SPINK5: variants seen among roughly 807,000 people sequenced by gnomAD.
SPINK5 encodes serine peptidase inhibitor Kazal type 5.
Under a neutral mutation model 151.8 loss-of-function variants are expected in SPINK5, and 125 were observed. The observed-to-expected ratio is 0.82, with a 90% CI of 0.71 to 0.96. The LOEUF is 0.96. Ranked by LOEUF, SPINK5 falls within the 40% of genes least tolerant of loss-of-function variation. SPINK5 has a pLI of 0.00. For synonymous variants in SPINK5, 374 were observed against 395.3 expected (o/e 0.95, Z 0.64); for missense variants, 1,194 against 1,291.9 (o/e 0.92, Z 1.16).
At chr5:148,072,096 T>C in intron 3 of SPINK5, 52 bp from the exon 4 acceptor site, 1 of 1,561,218 alleles carries the variant, frequency 6.4e-7, no homozygotes, top group Non-Finnish European at 8.8e-7. Context: ...CTGTTATTGT[T>C]AAAAGTTGAG....
chr5:148,093,118 GA>G (rs1753584188), intron 8 of SPINK5, among the ~76,000 whole-genome samples: 1 of 151,904 alleles, frequency 6.6e-6, no homozygotes, highest in South Asian at 2.1e-4. Context: ...TCACACAGTT[GA>G]AAAGAAAGTT....
intron 7 of SPINK5, among the ~76,000 whole-genome samples, chr5:148,089,867 A>G (rs1753264326): frequency 6.6e-6 from 1 of 151,868 alleles, no homozygotes; most frequent in Non-Finnish European, 1.5e-5. Context: ...TTTCTTTTAA[A>G]TTACAGTAAT....
At position 148,099,220 on chromosome 5, in the gene SPINK5, TCC is replaced by T; in HGVS notation, c.1011-12_1011-11del. The T allele has an allele frequency of 6.2e-7, 1 of 1,602,282 alleles. No homozygotes were observed. Among genetic ancestry groups the T allele is most frequent in the Non-Finnish European group, 8.5e-7 (1 of 1,173,204 alleles). On this transcript the variant is annotated splice_polypyrimidine_tract_variant and intron_variant, in intron 11 of 32. Transcript: ENST00000256084. ...TGTTCCTAATGGATCTGCTTCTTTT[TCC>T]CTCTTATTCAGCCAAGCAGAAAATG...
chr5:148,092,764 C>G (rs1753344737), intron 8 of SPINK5, among the ~76,000 whole-genome samples: 1 of 151,916 alleles, frequency 6.6e-6, no homozygotes, highest in African/African-American at 2.4e-5. Context: ...TTCTGCTTCT[C>G]TATTTCTAGG....
chr5:148,065,438 C>A, intron 2 of SPINK5, 66 bp downstream of exon 2: 1 of 1,535,656 alleles, frequency 6.5e-7, no homozygotes, highest in Non-Finnish European at 9.0e-7. Context: ...GGTTTGTGGC[C>A]AACACCTTCA....
rs1752931878 is a variant in SPINK5 at position 148,078,150 on chromosome 5, T to G, written c.282+5930T>G. ...CCGTAAGAGAGCAGGATTGGCTATA[T>G]TAATATGTGATAAAATAGACATTAA... On this transcript the variant is annotated intron_variant, in intron 4 of 32. Transcript: ENST00000256084. Among the ~76,000 whole-genome samples the G allele has an allele frequency of 2.0e-5, 3 of 151,076 alleles. No individual in the cohort carries two copies. The South Asian group carries it at 6.2e-4, about 31-fold the overall frequency.
intron 32 of SPINK5, among the ~76,000 whole-genome samples, chr5:148,134,777 A>G (rs1754656317): frequency 6.6e-6 from 1 of 152,088 alleles, no homozygotes; most frequent in Admixed American, 6.6e-5. Context: ...GTAATAAACA[A>G]TATTTTAATG....
chr5:148,088,009 A>G (rs1236387748), intron 5 of SPINK5, among the ~76,000 whole-genome samples: 1 of 151,792 alleles, frequency 6.6e-6, no homozygotes, highest in Non-Finnish European at 1.5e-5. Flanking sequence ...TTTACAAATT[A>G]GGAAATATGT....
At chr5:148,064,265 A>G (rs1345005741) in intron 1 of SPINK5, among the ~76,000 whole-genome samples, 166 bp downstream of exon 1, 1 of 152,182 alleles carries the variant, frequency 6.6e-6, no homozygotes, top group Non-Finnish European at 1.5e-5. Flanking sequence ...GTGGCTTTAT[A>G]ATTATGTTGT....
At chr5:148,108,603 G>T in intron 17 of SPINK5, 150 bp from the exon 18 acceptor site, 3 of 1,122,438 alleles carry the variant, frequency 2.7e-6, no homozygotes, top group Non-Finnish European at 3.8e-6. Context: ...TGTACTATTG[G>T]TTAAAGCAAA....
At chr5:148,084,348 T>C (rs537273431) in intron 4 of SPINK5, among the ~76,000 whole-genome samples, 1 of 151,932 alleles carries the variant, frequency 6.6e-6, no homozygotes, top group East Asian at 2.0e-4. Flanking sequence ...CACTCCAGCT[T>C]GCTGCCACTT....
chr5:148,111,677 T>C, intron 18 of SPINK5, 91 bp from the exon 19 acceptor site: 1 of 1,586,228 alleles, frequency 6.3e-7, no homozygotes, highest in Non-Finnish European at 8.6e-7. Context: ...ATGCAATCAT[T>C]ATGTTTTAGT....
At position 148,120,123 on chromosome 5, in the gene SPINK5, T is replaced by C; in HGVS notation, c.2428T>C (p.Cys810Arg). The change falls in exon 25 of 33, where the codon TGT becomes CGT. Residue 810 changes from cysteine (C) to arginine (R), a missense_variant. Physicochemically the swap from Cys to Arg is radical, Grantham distance 180. Coordinates refer to ENST00000256084, the MANE Select transcript of SPINK5 (RefSeq NM_006846.4). ...GACACATGGCAATAAGTGTACTATG[T>C]GTAAGGAAAAACTGTGAGTATGTTT... ...GKTHGNKCTM[C>R]KEKLEREAAE... 1 of 1,614,100 alleles carries C rather than the reference T, an allele frequency of 6.2e-7. No homozygotes were observed. Among genetic ancestry groups the C allele is most frequent in the Non-Finnish European group, 8.5e-7 (1 of 1,179,974 alleles).
chr5:148,094,493 A>T lies in SPINK5; in HGVS notation c.794+12A>T, dbSNP rs1345434781. 1.2e-6 allele frequency: 2 copies of T among 1,611,978 alleles called. No homozygotes were observed. Among genetic ancestry groups the T allele is most frequent in the African/African-American group, 2.7e-5 (2 of 74,748 alleles). On this transcript the variant is annotated intron_variant, in intron 9 of 32. Transcript: ENST00000256084. ...TGTGCTGAAATTTTGTGAGTATAGA[A>T]GTGGTTTTTTCAGAGTGATTCAAAG...
chr5:148,081,240 A>G (rs1279813814), intron 4 of SPINK5, among the ~76,000 whole-genome samples: 4 of 151,802 alleles, frequency 2.6e-5, no homozygotes, highest in South Asian at 4.1e-4. Flanking sequence ...CAGATTGACC[A>G]TGTGATCCAG....
chr5:148,074,326 G>A (rs976888450), intron 4 of SPINK5, among the ~76,000 whole-genome samples: 1 of 151,652 alleles, frequency 6.6e-6, no homozygotes, highest in African/African-American at 2.4e-5. Flanking sequence ...TGCCTCCAAA[G>A]TCTAACTCCT....
intron 16 of SPINK5, among the ~76,000 whole-genome samples, chr5:148,106,739 C>T (rs1331887139): frequency 6.6e-6 from 1 of 152,118 alleles, no homozygotes; most frequent in Admixed American, 6.6e-5. Context: ...TCCAGGAAGG[C>T]TTCTCATCTA....
chr5:148,068,985 C>CAGCT (rs770258794), intron 2 of SPINK5, among the ~76,000 whole-genome samples: 7 of 151,984 alleles, frequency 4.6e-5, no homozygotes, highest in African/African-American at 7.3e-5. Context: ...CCTGTAATCC[C>CAGCT]AGCTACTCAG....
chr5:148,112,276 T>G (rs1753955040), intron 19 of SPINK5, among the ~76,000 whole-genome samples: 1 of 152,224 alleles, frequency 6.6e-6, no homozygotes, highest in African/African-American at 2.4e-5. Context: ...CTTAGTTTAT[T>G]TCTGGGGAGA....
Sources: allele counts gnomAD v4.1 joint callset (sites outside exome capture counted in the v4.1 genomes callset), GRCh38; gene constraint gnomAD v4.1.1; transcripts MANE v1.5; gene names NCBI Gene and HGNC (gene_info 2026-07-23, HGNC 2026-07-21).